ADAMTSL1: variants seen among roughly 807,000 people sequenced by gnomAD.
The protein encoded by ADAMTSL1 is ADAMTS-like protein 1.
Under a neutral mutation model 201.8 loss-of-function variants are expected in ADAMTSL1, and 126 were observed. The observed-to-expected ratio is 0.62, with a 90% CI of 0.54 to 0.72. The LOEUF (loss-of-function observed/expected upper bound fraction) is 0.72. Ranked by LOEUF, ADAMTSL1 falls within the 30% of genes least tolerant of loss-of-function variation. The pLI is 0.00. For synonymous variants in ADAMTSL1, 1,121 were observed against 903.4 expected (o/e 1.24, Z -4.32); for missense variants, 2,679 against 2,277.8 (o/e 1.18, Z -3.59).
At chr9:18,396,089 G>A (rs1479192822) in intron 2 of ADAMTSL1, among the ~76,000 whole-genome samples, 1 of 152,188 alleles carries the variant, frequency 6.6e-6, no homozygotes, top group Non-Finnish European at 1.5e-5. Flanking sequence ...GTTATCTACT[G>A]TAACCCACAA....
chr9:18,737,726 A>G (rs535747928), intron 15 of ADAMTSL1, among the ~76,000 whole-genome samples: 1 of 152,362 alleles, frequency 6.6e-6, no homozygotes, highest in Non-Finnish European at 1.5e-5. Context: ...CTCCCATTTT[A>G]TCTGTGAGAA....
intron 2 of ADAMTSL1, among the ~76,000 whole-genome samples, chr9:18,442,514 G>T (rs1288943047): frequency 2.6e-5 from 4 of 152,112 alleles, no homozygotes; most frequent in Non-Finnish European, 5.9e-5. Flanking sequence ...CAGTTCAGTT[G>T]GATGTATAGT....
chr9:18,713,501 A>T (rs1832733828), intron 14 of ADAMTSL1, among the ~76,000 whole-genome samples: 1 of 152,128 alleles, frequency 6.6e-6, no homozygotes, highest in Admixed American at 6.5e-5. Flanking sequence ...AGAGACAAAG[A>T]AGGCCATTAC....
In ADAMTSL1 at chr9:18,706,828, C is replaced by G; in HGVS notation, c.1656C>G (p.Leu552=). ...TQVRIVRCQV[L]LSFSQSVADL... The stretch of plus-strand genomic sequence containing the variant: ...TGCGAATAGTCAGGTGCCAGGTGCT[C>G]CTGTCTTTCTCTCAGTCCGTGGCTG... The change falls in exon 14 of 29, where the codon CTC becomes CTG. Residue 552 remains leucine (L), a synonymous_variant. Coordinates refer to ENST00000380548, the MANE Select transcript of ADAMTSL1 (RefSeq NM_001040272.6). 1.9e-6 allele frequency: 3 copies of G among 1,611,750 alleles called. No individual in the cohort carries two copies. The highest frequency in any genetic ancestry group is 2.5e-6 in the Non-Finnish European group (3 of 1,178,878).
At chr9:18,602,791 T>C (rs1176411942) in intron 4 of ADAMTSL1, among the ~76,000 whole-genome samples, 1 of 152,196 alleles carries the variant, frequency 6.6e-6, no homozygotes. Context: ...ATGGAGACTT[T>C]TTCTTCCCTG....
At chr9:18,193,683 G>A (rs566116312) in intron 2 of ADAMTSL1, among the ~76,000 whole-genome samples, 1 of 152,218 alleles carries the variant, frequency 6.6e-6, no homozygotes, top group South Asian at 2.1e-4. Flanking sequence ...AAAGGGAAAG[G>A]ACAGGCCGTC....
intron 5 of ADAMTSL1, among the ~76,000 whole-genome samples, chr9:18,626,842 T>C (rs1826394670): frequency 8.1e-6 from 1 of 122,974 alleles, no homozygotes; most frequent in Non-Finnish European, 1.7e-5. Flanking sequence ...ACTTTCTTTT[T>C]CTTTCTTTCT....
intron 1 of ADAMTSL1, among the ~76,000 whole-genome samples, chr9:18,486,200 T>C (rs1380579077): frequency 6.6e-6 from 1 of 152,206 alleles, no homozygotes; most frequent in Non-Finnish European, 1.5e-5. Flanking sequence ...GTTAAAATTT[T>C]TGACCTACAG....
rs574265143 is a variant in ADAMTSL1 at position 18,840,308 on chromosome 9, CTTGT to C, written c.4249+10334_4249+10337del. On this transcript the variant is annotated intron_variant, in intron 23 of 28. Transcript: ENST00000380548. ...TAAATAGGGAATCCTTTCCCCATTG[CTTGT>C]TTTTCTCAGGTTTGTCAAAGATCAG... Among the ~76,000 whole-genome samples, 821 of 152,210 alleles carry C rather than the reference CTTGT, an allele frequency of 5.4e-3. 12 individuals carry two copies. Among genetic ancestry groups the C allele is most frequent in the African/African-American group, 0.019 (774 of 41,526 alleles).
chr9:18,685,483 T>C (rs779460333), intron 13 of ADAMTSL1, among the ~76,000 whole-genome samples: 2 of 152,200 alleles, frequency 1.3e-5, no homozygotes, highest in Non-Finnish European at 2.9e-5. Flanking sequence ...CTACATCACT[T>C]TTACAAACGA....
intron 1 of ADAMTSL1, among the ~76,000 whole-genome samples, chr9:18,078,792 C>T (rs554394477): frequency 1.9e-4 from 29 of 152,166 alleles, no homozygotes; most frequent in Non-Finnish European, 3.2e-4. Flanking sequence ...CCATTGCCTT[C>T]CCAGTTGGTT....
chr9:18,681,698 G>GTGTGGGGC (rs66675938), intron 11 of ADAMTSL1, 114 bp from the exon 12 acceptor site: 1 of 322,690 alleles, frequency 3.1e-6, no homozygotes, highest in Non-Finnish European at 4.6e-6. Context: ...GTCCTCGTGT[G>GTGTGGGGC]GGGGGGGGGG....
intron 1 of ADAMTSL1, among the ~76,000 whole-genome samples, chr9:17,978,057 C>T (rs936820799): frequency 1.3e-5 from 2 of 151,954 alleles, no homozygotes; most frequent in Non-Finnish European, 1.5e-5. Context: ...TATATGTGAA[C>T]TTCTATGTCT....
intron 18 of ADAMTSL1, among the ~76,000 whole-genome samples, chr9:18,776,244 T>G: frequency 6.6e-6 from 1 of 152,160 alleles, no homozygotes; most frequent in Non-Finnish European, 1.5e-5. Context: ...ATTTGTTCTG[T>G]TTAATATTAA....
intron 1 of ADAMTSL1, among the ~76,000 whole-genome samples, chr9:18,089,754 G>A (rs775532934): frequency 5.3e-5 from 8 of 152,182 alleles, no homozygotes; most frequent in Non-Finnish European, 7.3e-5. Flanking sequence ...AGGGTCTAGA[G>A]GGAGGAGAAA....
intron 14 of ADAMTSL1, chr9:18,718,039 C>T (rs776313861): frequency 1.1e-5 from 18 of 1,576,542 alleles, no homozygotes; most frequent in Non-Finnish European, 1.5e-5. Context: ...TGTTAATCTG[C>T]CGCACTAGGT....
intron 1 of ADAMTSL1, among the ~76,000 whole-genome samples, chr9:18,001,595 A>G (rs1316103165): frequency 1.3e-5 from 2 of 152,120 alleles, no homozygotes; most frequent in Non-Finnish European, 2.9e-5. Flanking sequence ...AGAAGTTGAA[A>G]TCTAAGAAGA....
intron 4 of ADAMTSL1, among the ~76,000 whole-genome samples, chr9:18,613,979 A>G (rs767401637): frequency 9.2e-5 from 14 of 152,208 alleles, no homozygotes; most frequent in African/African-American, 1.4e-4. Flanking sequence ...AATTTTCTCA[A>G]ACGAAGACTT....
chr9:18,136,755 G>C (rs1295729737), intron 1 of ADAMTSL1, among the ~76,000 whole-genome samples: 1 of 152,170 alleles, frequency 6.6e-6, no homozygotes, highest in Non-Finnish European at 1.5e-5. Context: ...TGGGGTTGCA[G>C]TGTGGTTAGC....
Sources: allele counts gnomAD v4.1 joint callset (sites outside exome capture counted in the v4.1 genomes callset), GRCh38; gene constraint gnomAD v4.1.1; transcripts MANE v1.5; gene names NCBI Gene and HGNC (gene_info 2026-07-23, HGNC 2026-07-21).